Variants in ACVR2A observed in about 807,000 individuals in gnomAD.
The protein encoded by ACVR2A is activin A receptor type 2A, also known as activin receptor type-2A.
ACVR2A carries 7 observed loss-of-function variants against 61.4 expected under a neutral mutation model. That is an observed-to-expected ratio of 0.11 (90% CI 0.06 to 0.21). The LOEUF (loss-of-function observed/expected upper bound fraction) is 0.21. Among genes scored for constraint, ACVR2A ranks in the 10% least tolerant of loss-of-function variants. The probability of loss-of-function intolerance (pLI) is 1.00; values close to 1 mark genes in which losing one functional copy is unlikely to be tolerated. For synonymous variants in ACVR2A, 193 were observed against 208.3 expected (o/e 0.93, Z 0.63); for missense variants, 322 against 621.7 (o/e 0.52, Z 5.13).
chr2:147,878,766 C>T lies in ACVR2A; in HGVS notation c.56-17535C>T, dbSNP rs527728050. Among the ~76,000 whole-genome samples the T allele has an allele frequency of 1.4e-4, 22 of 152,038 alleles. No homozygotes were observed. The South Asian group carries it at 1.7e-3, about 12-fold the overall frequency. The stretch of plus-strand genomic sequence containing the variant: ...TCTACAAAAAAATACAAAAAAAAGC[C>T]GGTGTGGTGGCAGCCACCTGCAGTC... On this transcript the variant is annotated intron_variant, in intron 1 of 10. Coordinates refer to ENST00000241416, the MANE Select transcript of ACVR2A (RefSeq NM_001616.5).
intron 1 of ACVR2A, among the ~76,000 whole-genome samples, chr2:147,872,353 C>T (rs1176704331): frequency 6.6e-6 from 1 of 151,806 alleles, no homozygotes. Flanking sequence ...TGATAGCTTA[C>T]CTTATGTTGT....
intron 4 of ACVR2A, among the ~76,000 whole-genome samples, chr2:147,909,298 T>G (rs1687061551): frequency 6.6e-6 from 1 of 152,216 alleles, no homozygotes; most frequent in African/African-American, 2.4e-5. Flanking sequence ...TGATTAGTCC[T>G]TCTGTCCTGC....
At chr2:147,872,283 G>T (rs1686041095) in intron 1 of ACVR2A, among the ~76,000 whole-genome samples, 1 of 151,914 alleles carries the variant, frequency 6.6e-6, no homozygotes, top group South Asian at 2.1e-4. Flanking sequence ...AGCTTATTAT[G>T]TCTTAATGGA....
chr2:147,885,151 A>T (rs1199676813), intron 1 of ACVR2A, among the ~76,000 whole-genome samples: 2 of 152,084 alleles, frequency 1.3e-5, no homozygotes, highest in Non-Finnish European at 2.9e-5. Flanking sequence ...CTGAATTCCT[A>T]TACTGTGCTA....
chr2:147,924,934 C>G (rs1193424167), intron 9 of ACVR2A, among the ~76,000 whole-genome samples: 1 of 151,866 alleles, frequency 6.6e-6, no homozygotes, highest in African/African-American at 2.4e-5. Flanking sequence ...TGGAAGTACT[C>G]AAGCAGAGAC....
At chr2:147,872,684 T>C (rs1686053321) in intron 1 of ACVR2A, among the ~76,000 whole-genome samples, 1 of 151,662 alleles carries the variant, frequency 6.6e-6, no homozygotes, top group Non-Finnish European at 1.5e-5. Flanking sequence ...TTTTTCTTAA[T>C]AACACATCTT....
intron 8 of ACVR2A, among the ~76,000 whole-genome samples, chr2:147,922,665 C>T (rs953308015): frequency 1.3e-5 from 2 of 151,800 alleles, no homozygotes; most frequent in Admixed American, 1.3e-4. Context: ...TTTAAAGCTA[C>T]ATTTCAAACA....
chr2:147,877,225 T>C (rs1330023657), intron 1 of ACVR2A, among the ~76,000 whole-genome samples: 3 of 152,196 alleles, frequency 2.0e-5, no homozygotes, highest in Non-Finnish European at 4.4e-5. Context: ...TTTTGTCTTA[T>C]GTTTAAATGT....
intron 1 of ACVR2A, among the ~76,000 whole-genome samples, chr2:147,886,418 TTGA>T (rs1686433090): frequency 6.6e-6 from 1 of 152,236 alleles, no homozygotes; most frequent in African/African-American, 2.4e-5. Context: ...CAATGACTTT[TTGA>T]TGATTTCAGA....
chr2:147,896,741 A>G (rs1358929114), intron 2 of ACVR2A: 1 of 388,390 alleles, frequency 2.6e-6, no homozygotes, highest in African/African-American at 2.0e-5. Flanking sequence ...CCCAGTAGTG[A>G]GAACTCTGAA....
intron 1 of ACVR2A, among the ~76,000 whole-genome samples, chr2:147,879,075 A>C (rs547321591): frequency 1.3e-5 from 2 of 152,316 alleles, no homozygotes; most frequent in East Asian, 3.9e-4. Context: ...ATGCAATCAA[A>C]CTGTTTTCAG....
At chr2:147,860,738 T>C (rs1359512295) in intron 1 of ACVR2A, among the ~76,000 whole-genome samples, 1 of 152,208 alleles carries the variant, frequency 6.6e-6, no homozygotes, top group Non-Finnish European at 1.5e-5. Context: ...GAGAGATCCT[T>C]ACAGAATGTG....
intron 1 of ACVR2A, among the ~76,000 whole-genome samples, chr2:147,869,087 T>C (rs1685947510): frequency 6.6e-6 from 1 of 152,198 alleles, no homozygotes; most frequent in African/African-American, 2.4e-5. Context: ...TGACGAGTTC[T>C]AGATTTGTTT....
chr2:147,921,233 C>T (rs564539668), intron 8 of ACVR2A, among the ~76,000 whole-genome samples: 6 of 152,122 alleles, frequency 3.9e-5, no homozygotes, highest in Middle Eastern at 3.4e-3. Context: ...TGGGGTTTCA[C>T]CAAGTTGGCC....
intron 1 of ACVR2A, among the ~76,000 whole-genome samples, chr2:147,873,175 C>G (rs1375931368): frequency 6.6e-6 from 1 of 151,770 alleles, no homozygotes; most frequent in East Asian, 1.9e-4. Context: ...ATAATGAGGT[C>G]ATTGGGACAA....
chr2:147,888,090 A>C (rs1325293254), intron 1 of ACVR2A, among the ~76,000 whole-genome samples: 1 of 152,088 alleles, frequency 6.6e-6, no homozygotes, highest in African/African-American at 2.4e-5. Context: ...TTTCCATTGA[A>C]TTGCCTTTGC....
chr2:147,857,152 C>G (rs1685599781), intron 1 of ACVR2A, among the ~76,000 whole-genome samples: 1 of 152,086 alleles, frequency 6.6e-6, no homozygotes, highest in Non-Finnish European at 1.5e-5. Context: ...AGGTTAGGGT[C>G]AGAGAAGAAG....
chr2:147,887,286 G>T (rs1686464631), intron 1 of ACVR2A, among the ~76,000 whole-genome samples: 1 of 151,814 alleles, frequency 6.6e-6, no homozygotes, highest in Non-Finnish European at 1.5e-5. Flanking sequence ...GAACAGTTTG[G>T]GAAAAAAAGA....
intron 4 of ACVR2A, among the ~76,000 whole-genome samples, chr2:147,904,734 A>C (rs1386841474): frequency 2.0e-5 from 3 of 151,962 alleles, no homozygotes; most frequent in Non-Finnish European, 2.9e-5. Flanking sequence ...GCTTTGTAGG[A>C]TTTTCTTCTT....
Sources: gnomAD v4.1 joint callset for allele counts (sites outside exome capture counted in the v4.1 genomes callset) on GRCh38, gnomAD v4.1.1 for gene constraint, MANE v1.5 for transcripts, NCBI Gene and HGNC (gene_info 2026-07-23, HGNC 2026-07-21) for gene names.